Variants in TDRD12 observed in about 807,000 individuals in gnomAD.
The protein encoded by TDRD12 is putative ATP-dependent RNA helicase TDRD12.
In TDRD12, 158 loss-of-function variants were observed where a neutral mutation model predicts 133.5. The observed-to-expected ratio is 1.18, with a 90% CI of 1.04 to 1.35. The LOEUF (loss-of-function observed/expected upper bound fraction) is 1.35, where lower values mean the gene tolerates loss of function less well. Ranked by LOEUF, TDRD12 falls within the 40% of genes most tolerant of loss-of-function variation. TDRD12 has a pLI of 0.00. For missense variants in TDRD12, 1,443 were observed against 1,321.3 expected (o/e 1.09, Z -1.43); for synonymous variants, 460 against 477.9 (o/e 0.96, Z 0.49).
intron 3 of TDRD12, among the ~76,000 whole-genome samples, chr19:32,739,685 TCTC>T (rs1439499380): frequency 8.0e-6 from 1 of 125,004 alleles, no homozygotes; most frequent in Non-Finnish European, 1.7e-5. Context: ...GCTCTCTGCA[TCTC>T]CTGGGTACTC....
intron 8 of TDRD12, among the ~76,000 whole-genome samples, chr19:32,768,711 T>C (rs1442856331): frequency 6.6e-6 from 1 of 152,124 alleles, no homozygotes; most frequent in Non-Finnish European, 1.5e-5. Context: ...ATCCATACCC[T>C]AAGGGCAGGG....
Position 32,827,151 on chromosome 19 carries a change from C to G in TDRD12, c.1050-13C>G. 8.4e-7 allele frequency: 1 copy of G among 1,188,494 alleles called. No homozygotes were observed. Among genetic ancestry groups the G allele is most frequent in the Non-Finnish European group, 1.1e-6 (1 of 948,292 alleles). The allele number at this position is 1,188,494 out of a possible 1,614,324, so 73.6% of individuals were successfully genotyped here. On this transcript the variant is annotated splice_polypyrimidine_tract_variant and intron_variant, in intron 9 of 9. Coordinates refer to the TDRD12 transcript ENST00000637289. ...AGTCTACACTTATTTGTTATAATAT[C>G]TTACTCCTTTAGTAGTGAATTCTAA...
intron 21 of TDRD12, among the ~76,000 whole-genome samples, chr19:32,804,763 G>C (rs1009047394): frequency 1.4e-4 from 21 of 151,874 alleles, no homozygotes; most frequent in African/African-American, 4.8e-4. Flanking sequence ...GGCTGAGGCA[G>C]GAGAATCAAT....
intron 3 of TDRD12, among the ~76,000 whole-genome samples, chr19:32,742,243 G>A (rs975701520): frequency 4.0e-5 from 6 of 150,674 alleles, no homozygotes. Context: ...TGCAACCTCT[G>A]CCTCCCAGGT....
In TDRD12 at chr19:32,781,188, CT is replaced by C. The variant is rs566114186; in HGVS notation, c.1121+3960del. ...TCTATCTCCTGACCTCAAGATCTGC[CT>C]GCCTCGGCCTCCCAAGTGCTGGGAT... On this transcript the variant is annotated intron_variant, in intron 11 of 27. Coordinates refer to ENST00000444215, the Ensembl canonical transcript of TDRD12. Among the ~76,000 whole-genome samples the C allele has an allele frequency of 3.7e-4, 57 of 152,244 alleles. No individual in the cohort carries two copies. In the South Asian group the frequency reaches 0.011, roughly 29 times the overall value.
chr19:32,774,939 C>T (rs1184761073), intron 10 of TDRD12, among the ~76,000 whole-genome samples: 1 of 151,664 alleles, frequency 6.6e-6, no homozygotes, highest in Non-Finnish European at 1.5e-5. Flanking sequence ...GAGCTGAGAT[C>T]ACACCACTGC....
intron 6 of TDRD12, among the ~76,000 whole-genome samples, chr19:32,751,520 CT>C (rs1969826451): frequency 6.6e-6 from 1 of 151,936 alleles, no homozygotes; most frequent in African/African-American, 2.4e-5. Context: ...CCTGTTTCAT[CT>C]TTCCCTCTAC....
chr19:32,748,326 C>A (rs1322144499), intron 4 of TDRD12, 150 bp from the exon 5 acceptor site: 3 of 735,322 alleles, frequency 4.1e-6, no homozygotes, highest in African/African-American at 1.8e-5. Flanking sequence ...TCCTCACCCC[C>A]AGAGCAGGGC....
Position 32,814,111 on chromosome 19 carries a change from C to T in TDRD12, c.3141+335C>T, listed in dbSNP as rs148464063. 9.3e-3 allele frequency among the ~76,000 whole-genome samples: 1,410 copies of T among 152,350 alleles called. 27 individuals carry two copies. The highest frequency in any genetic ancestry group is 0.032 in the African/African-American group (1,346 of 41,578). On this transcript the variant is annotated intron_variant, in intron 25 of 27. Transcript: ENST00000444215. ...CAGTTTCTAACTTTCTCATTCACCA[C>T]GCACTTAACTGAGCACCTGCCACGT...
chr19:32,766,302 T>C (rs1362498692), intron 8 of TDRD12, among the ~76,000 whole-genome samples: 3 of 152,186 alleles, frequency 2.0e-5, no homozygotes, highest in East Asian at 1.9e-4. Flanking sequence ...GATACAGATA[T>C]GCAATGTGAA....
rs536520807 is a variant in TDRD12, at chr19:32,817,746, A to G, written c.3315-343A>G. On this transcript the variant is annotated intron_variant, in intron 26 of 27. Transcript: ENST00000444215. ...CCATGCCCGAGGCCTGCAGTTCTCCATGTCCTCTCCTTGACCCCGCCCGAG... is the reference window on the plus strand; with the variant it reads ...CCATGCCCGAGGCCTGCAGTTCTCCGTGTCCTCTCCTTGACCCCGCCCGAG... Among the ~76,000 whole-genome samples, 5 of 151,050 alleles carry G rather than the reference A, an allele frequency of 3.3e-5. No homozygotes were observed. The South Asian group carries it at 1.1e-3, about 32-fold the overall frequency.
At chr19:32,785,915 A>T (rs1192238704) in intron 11 of TDRD12, among the ~76,000 whole-genome samples, 1 of 152,118 alleles carries the variant, frequency 6.6e-6, no homozygotes, top group East Asian at 1.9e-4. Context: ...AATTGGGGGC[A>T]TTTAGGCCAT....
downstream of TDRD12, among the ~76,000 whole-genome samples, chr19:32,822,320 T>C (rs889582797): frequency 6.6e-6 from 1 of 152,012 alleles, no homozygotes. Context: ...TAGTCCCTAC[T>C]ACTTGGGAGG....
At position 32,725,327 on chromosome 19, in the gene TDRD12, G is replaced by GT. The variant is rs536531960; in HGVS notation, c.24+5241dup. ...GGTATTGCCTAGATTTTTTTCTAGG[G>GT]TTTTTTTTTTATAGTTTTAGGTTTT... On this transcript the variant is annotated intron_variant, in intron 1 of 27. Transcript: ENST00000444215. Among the ~76,000 whole-genome samples, 736 of 147,716 alleles carry GT rather than the reference G, an allele frequency of 5.0e-3. 5 individuals carry two copies. The highest frequency in any genetic ancestry group is 0.016 in the African/African-American group (638 of 40,472).
chr19:32,816,309 C>T (rs978827120), intron 26 of TDRD12, among the ~76,000 whole-genome samples: 4 of 152,184 alleles, frequency 2.6e-5, no homozygotes, highest in Non-Finnish European at 5.9e-5. Context: ...AGAGCCTCCC[C>T]TCCCTCTAGG....
chr19:32,731,808 T>C, exon 2 of TDRD12: 1 of 1,551,458 alleles, frequency 6.4e-7, no homozygotes. Flanking sequence ...AAAAATTAAA[T>C]AGTGCCATGA....
In TDRD12 at chr19:32,798,194, CAG is replaced by C. The variant is rs1971285611; in HGVS notation, c.1631-113_1631-112del. ...CATATGGGGTTGACTAGGACAGAAA[CAG>C]TGTTTTACTTCATTAGAAGGCATTT... On this transcript the variant is annotated intron_variant, in intron 15 of 27. Transcript: ENST00000444215. 1.6e-5 allele frequency: 16 copies of C among 1,015,958 alleles called. No individual in the cohort carries two copies. The South Asian group carries it at 1.6e-4, about 10-fold the overall frequency. 62.9% of individuals were successfully genotyped at this position (1,015,958 alleles called of 1,614,324 possible). A position where few individuals can be genotyped will look rare whatever the true frequency, so the allele number is the denominator to read the frequency against.
chr19:32,730,514 T>G (rs963095254), intron 1 of TDRD12, among the ~76,000 whole-genome samples: 6 of 152,208 alleles, frequency 3.9e-5, no homozygotes, highest in African/African-American at 1.2e-4. Flanking sequence ...ACAGGTGATA[T>G]AGAAACTATT....
chr19:32,748,404 G>T lies in TDRD12; in HGVS notation c.441-72G>T, dbSNP rs1258033691. 6 of 1,448,598 alleles carry T rather than the reference G, an allele frequency of 4.1e-6. No homozygotes were observed. In the East Asian group the frequency reaches 1.5e-4, roughly 36 times the overall value. 89.7% of individuals were successfully genotyped at this position (1,448,598 alleles called of 1,614,324 possible). ...TAGTGTGAGAAATGTCCAGTGCATG[G>T]TTTACAAAATGCTGTTGGTGTGCTA... is the stretch of plus-strand genomic sequence containing the variant. On this transcript the variant is annotated intron_variant, in intron 4 of 27. Coordinates refer to ENST00000444215, the Ensembl canonical transcript of TDRD12.
Sources: allele counts gnomAD v4.1 joint callset (sites outside exome capture counted in the v4.1 genomes callset), GRCh38; gene constraint gnomAD v4.1.1; transcripts MANE v1.5; gene names NCBI Gene and HGNC (gene_info 2026-07-23, HGNC 2026-07-21).